The following ROR1 variants were observed in gnomAD, a reference collection of about 807,000 sequenced individuals.
The protein encoded by ROR1 is inactive tyrosine-protein kinase transmembrane receptor ROR1.
Under a neutral mutation model 78.8 loss-of-function variants are expected in ROR1, and 19 were observed. That is an observed-to-expected ratio of 0.24 (90% CI 0.17 to 0.35). The LOEUF is 0.35. ROR1 is among the 10% of genes least tolerant of loss of function. The pLI, the probability that ROR1 is intolerant of heterozygous loss-of-function variation, is 1.00. For synonymous variants in ROR1, 386 were observed against 433.6 expected (o/e 0.89, Z 1.36); for missense variants, 917 against 1,177.8 (o/e 0.78, Z 3.24).
chr1:63,953,667 G>A (rs1327444511), intron 1 of ROR1, among the ~76,000 whole-genome samples: 1 of 152,150 alleles, frequency 6.6e-6, no homozygotes, highest in Non-Finnish European at 1.5e-5. Context: ...GGCGCCTACT[G>A]GGTTGCAGTA....
chr1:63,993,843 A>T (rs1349669457), intron 1 of ROR1, among the ~76,000 whole-genome samples: 1 of 152,178 alleles, frequency 6.6e-6, no homozygotes, highest in Non-Finnish European at 1.5e-5. Context: ...TGTTGTAACA[A>T]TATCATTTCA....
intron 1 of ROR1, among the ~76,000 whole-genome samples, chr1:63,905,094 G>A (rs973901422): frequency 3.9e-5 from 6 of 152,140 alleles, no homozygotes. Flanking sequence ...AGGCAAGAGA[G>A]TAGTGGAGGG....
At chr1:64,063,297 C>T (rs925006779) in intron 4 of ROR1, among the ~76,000 whole-genome samples, 1 of 152,172 alleles carries the variant, frequency 6.6e-6, no homozygotes, top group Non-Finnish European at 1.5e-5. Flanking sequence ...TTTTCTTCTT[C>T]GTGGTTTAGG....
intron 4 of ROR1, among the ~76,000 whole-genome samples, chr1:64,061,984 T>A (rs1331397263): frequency 1.3e-5 from 2 of 152,152 alleles, no homozygotes; most frequent in African/African-American, 4.8e-5. Flanking sequence ...AACAAGATCT[T>A]ATCTAGTTAC....
At chr1:63,827,438 T>C (rs1314787898) in intron 1 of ROR1, among the ~76,000 whole-genome samples, 2 of 152,100 alleles carry the variant, frequency 1.3e-5, no homozygotes, top group East Asian at 1.9e-4. Flanking sequence ...CAGTAAGAAC[T>C]GTGGGTGGGG....
chr1:64,142,912 C>A, intron 7 of ROR1: 1 of 1,307,916 alleles, frequency 7.6e-7, no homozygotes, highest in Non-Finnish European at 9.8e-7. Context: ...CCTTCAGAGG[C>A]ACAGTTGAGA....
intron 1 of ROR1, among the ~76,000 whole-genome samples, chr1:63,947,529 C>T (rs1458325613): frequency 6.6e-6 from 1 of 152,120 alleles, no homozygotes; most frequent in Admixed American, 6.6e-5. Flanking sequence ...GAGCATTTTT[C>T]CATGCCCTTT....
At chr1:63,919,366 C>CA (rs1248926441) in intron 1 of ROR1, among the ~76,000 whole-genome samples, 7 of 151,746 alleles carry the variant, frequency 4.6e-5, no homozygotes, top group African/African-American at 2.4e-5. Flanking sequence ...TTTTAATCAG[C>CA]AAAAAATTTA....
Position 63,911,911 on chromosome 1 carries a change from C to T in ROR1, c.92-97394C>T, listed in dbSNP as rs1386989372. ...CGTGAAAATGACAGTGGATTTTCTA[C>T]TCATTCAGCAAACTTTCTGGAAACC... On this transcript the variant is annotated intron_variant, in intron 1 of 8. Transcript: ENST00000371079. 2.0e-5 allele frequency among the ~76,000 whole-genome samples: 3 copies of T among 152,066 alleles called. No homozygotes were observed. In the East Asian group the frequency reaches 5.8e-4, roughly 29 times the overall value.
intron 1 of ROR1, among the ~76,000 whole-genome samples, chr1:63,914,951 A>G (rs1354599836): frequency 1.3e-5 from 2 of 152,150 alleles, no homozygotes; most frequent in Non-Finnish European, 2.9e-5. Context: ...GCACAGGATC[A>G]TACAAGACAA....
At chr1:64,171,134 A>C (rs1331821687) in intron 8 of ROR1, 1 of 169,078 alleles carries the variant, frequency 5.9e-6, no homozygotes, top group Non-Finnish European at 1.2e-5. Context: ...ACCAATTTAC[A>C]ATATTAGTCC....
chr1:63,918,193 G>A (rs1645624822), intron 1 of ROR1, among the ~76,000 whole-genome samples: 1 of 152,228 alleles, frequency 6.6e-6, no homozygotes, highest in African/African-American at 2.4e-5. Context: ...TTATGTTAGA[G>A]ATTCACCATG....
chr1:64,030,658 G>C (rs918402514), intron 2 of ROR1, among the ~76,000 whole-genome samples: 2 of 151,968 alleles, frequency 1.3e-5, no homozygotes, highest in Non-Finnish European at 2.9e-5. Context: ...TGGGGGTGTT[G>C]GTATAACTAA....
At chr1:64,133,053 G>A (rs191317784) in intron 4 of ROR1, among the ~76,000 whole-genome samples, 217 of 152,202 alleles carry the variant, frequency 1.4e-3, no homozygotes, top group Non-Finnish European at 2.4e-3. Context: ...ATATGAAACT[G>A]GAAATCTGTG....
intron 1 of ROR1, among the ~76,000 whole-genome samples, chr1:63,818,015 A>G (rs1465751599): frequency 6.6e-6 from 1 of 152,188 alleles, no homozygotes; most frequent in Non-Finnish European, 1.5e-5. Context: ...GGCACTTTAC[A>G]TATGCATATT....
At chr1:63,794,876 C>T (rs992391580) in intron 1 of ROR1, among the ~76,000 whole-genome samples, 6 of 152,258 alleles carry the variant, frequency 3.9e-5, no homozygotes, top group Non-Finnish European at 7.4e-5. Context: ...TAGGGGCTCA[C>T]GCACTCATGA....
chr1:64,100,088 A>AT (rs769652639), intron 4 of ROR1, among the ~76,000 whole-genome samples: 54 of 152,278 alleles, frequency 3.5e-4, no homozygotes, highest in Middle Eastern at 6.8e-3. Context: ...CTAACTGGCT[A>AT]TTTTAAAATT....
At chr1:64,165,374 C>A (rs182329502) in intron 8 of ROR1, among the ~76,000 whole-genome samples, 1 of 152,118 alleles carries the variant, frequency 6.6e-6, no homozygotes, top group East Asian at 1.9e-4. Flanking sequence ...TGTTTGTTGG[C>A]CACACGTATG....
At chr1:64,151,851 C>A (rs1649634127) in intron 7 of ROR1, among the ~76,000 whole-genome samples, 1 of 149,558 alleles carries the variant, frequency 6.7e-6, no homozygotes, top group African/African-American at 2.5e-5. Context: ...CCACTGCACT[C>A]CAGCCTCGGT....
Sources: allele counts gnomAD v4.1 joint callset (sites outside exome capture counted in the v4.1 genomes callset), GRCh38; gene constraint gnomAD v4.1.1; transcripts MANE v1.5; gene names NCBI Gene and HGNC (gene_info 2026-07-23, HGNC 2026-07-21).